SORBS2: variants seen among roughly 807,000 people sequenced by gnomAD.
SORBS2 encodes the protein sorbin and SH3 domain containing 2, also known as sorbin and SH3 domain-containing protein 2.
In SORBS2, 46 loss-of-function variants were observed where a neutral mutation model predicts 97.7. The ratio of observed to expected loss-of-function variants is 0.47; its 90% CI spans 0.37 to 0.60. The LOEUF (loss-of-function observed/expected upper bound fraction) is 0.60. Among genes scored for constraint, SORBS2 ranks in the 20% least tolerant of loss-of-function variants. The pLI is 0.00. For synonymous variants in SORBS2, 476 were observed against 473.4 expected (o/e 1.01, Z -0.07); for missense variants, 1,316 against 1,282.3 (o/e 1.03, Z -0.40).
At chr4:185,708,372 G>A (rs570261456) in intron 2 of SORBS2, among the ~76,000 whole-genome samples, 119 of 152,200 alleles carry the variant, frequency 7.8e-4, no homozygotes, top group African/African-American at 2.7e-3. Context: ...CACAACCAGC[G>A]TTTGTTTAAC....
At chr4:185,729,974 A>T in intron 2 of SORBS2, among the ~76,000 whole-genome samples, 1 of 151,246 alleles carries the variant, frequency 6.6e-6, no homozygotes, top group African/African-American at 2.4e-5. Context: ...TTTTTTTGAG[A>T]TGGAGTCTTG....
rs1319887382 is a variant in SORBS2, at chr4:185,734,088, G to A, written c.-198+41139C>T. 1.3e-5 allele frequency: 2 copies of A among 152,532 alleles called. No individual in the cohort carries two copies. The highest frequency in any genetic ancestry group is 2.9e-5 in the Non-Finnish European group (2 of 68,048). The allele number at this position is 152,532 out of a possible 1,614,324, so 9.4% of individuals were successfully genotyped here. A position where few individuals can be genotyped will look rare whatever the true frequency, so the allele number is the denominator to read the frequency against. On this transcript the variant is annotated intron_variant, in intron 2 of 20. Transcript: ENST00000284776. Reference sequence around the variant, plus strand: ...GGCAGTGGCGGGCGGTTTCCCGTGAGGACAGCGTACCTTCTGAAGAAATGC... The same window carrying A: ...GGCAGTGGCGGGCGGTTTCCCGTGAAGACAGCGTACCTTCTGAAGAAATGC...
intron 1 of SORBS2, among the ~76,000 whole-genome samples, chr4:185,857,474 G>A (rs1280743515): frequency 6.6e-6 from 1 of 152,176 alleles, no homozygotes; most frequent in East Asian, 1.9e-4. Flanking sequence ...TATGAAATCT[G>A]ATTGTAAAAC....
At chr4:185,651,583 T>C (rs982001557) in intron 2 of SORBS2, among the ~76,000 whole-genome samples, 1 of 152,220 alleles carries the variant, frequency 6.6e-6, no homozygotes, top group African/African-American at 2.4e-5. Context: ...ATGAATGAGA[T>C]AAACCAGTAT....
intron 12 of SORBS2, among the ~76,000 whole-genome samples, chr4:185,597,521 AAAAC>A (rs2096136029): frequency 6.6e-6 from 1 of 152,238 alleles, no homozygotes; most frequent in Non-Finnish European, 1.5e-5. Context: ...AAATAGGTAA[AAAAC>A]AAACAGAAAA....
intron 1 of SORBS2, among the ~76,000 whole-genome samples, chr4:185,878,411 C>T (rs2099234879): frequency 6.6e-6 from 1 of 152,164 alleles, no homozygotes; most frequent in Admixed American, 6.5e-5. Context: ...CGCACTTCAC[C>T]TCGTCCCTCC....
intron 1 of SORBS2, among the ~76,000 whole-genome samples, chr4:185,836,745 C>T (rs1434845709): frequency 6.6e-6 from 1 of 152,158 alleles, no homozygotes; most frequent in African/African-American, 2.4e-5. Context: ...ACCCAAGGAT[C>T]AAATACCTCT....
At chr4:185,719,875 C>T (rs1005230201) in intron 2 of SORBS2, among the ~76,000 whole-genome samples, 18 of 152,196 alleles carry the variant, frequency 1.2e-4, no homozygotes, top group African/African-American at 2.9e-4. Context: ...TAATTTATAA[C>T]GGAAGTTTCA....
At chr4:185,916,206 T>C (rs1372440162) in intron 1 of SORBS2, among the ~76,000 whole-genome samples, 1 of 152,170 alleles carries the variant, frequency 6.6e-6, no homozygotes, top group Non-Finnish European at 1.5e-5. Context: ...AGGAGGAATT[T>C]CAGAGTCCAG....
intron 2 of SORBS2, 100 bp from the exon 12 acceptor site, chr4:185,649,756 A>C: frequency 1.5e-6 from 1 of 685,568 alleles, no homozygotes; most frequent in Non-Finnish European, 2.2e-6. Context: ...CAATGATTGC[A>C]TAGAAATTAT....
intron 1 of SORBS2, among the ~76,000 whole-genome samples, chr4:185,860,107 A>G (rs183116405): frequency 5.9e-4 from 90 of 152,384 alleles, no homozygotes; most frequent in Admixed American, 1.2e-3. Context: ...ACTTTCCACT[A>G]CATACGAAAA....
At chr4:185,677,491 T>C (rs2097805033) in intron 4 of SORBS2, 2 of 1,551,886 alleles carry the variant, frequency 1.3e-6, no homozygotes, top group Non-Finnish European at 1.7e-6. Context: ...GAATACATAG[T>C]TCCCTGAAGA....
intron 1 of SORBS2, among the ~76,000 whole-genome samples, chr4:185,823,507 A>T (rs2099198022): frequency 1.3e-5 from 2 of 151,960 alleles, no homozygotes; most frequent in African/African-American, 4.8e-5. Flanking sequence ...GTTTATTTGT[A>T]TATTCTTTAG....
intron 1 of SORBS2, among the ~76,000 whole-genome samples, chr4:185,778,409 G>T (rs1043716908): frequency 1.3e-5 from 2 of 151,988 alleles, no homozygotes; most frequent in African/African-American, 4.8e-5. Context: ...AGTAGTCCAC[G>T]GACCAACATT....
chr4:185,670,603 A>G (rs1015862294), intron 4 of SORBS2, among the ~76,000 whole-genome samples: 1 of 151,910 alleles, frequency 6.6e-6, no homozygotes, highest in African/African-American at 2.4e-5. Flanking sequence ...AATATCTAGG[A>G]AGGGGTTTTT....
intron 1 of SORBS2, among the ~76,000 whole-genome samples, chr4:185,839,968 C>T (rs974299868): frequency 6.7e-6 from 1 of 148,362 alleles, no homozygotes; most frequent in Non-Finnish European, 1.5e-5. Context: ...TGTAGGATAT[C>T]GTCAGCCTCT....
rs139855179 is a variant in SORBS2, at chr4:185,857,768, G to A, written c.-337-82402C>T. Among the ~76,000 whole-genome samples the A allele has an allele frequency of 2.2e-4, 34 of 152,236 alleles. No individual in the cohort carries two copies. The East Asian group carries it at 4.8e-3, about 22-fold the overall frequency. On this transcript the variant is annotated intron_variant, in intron 1 of 20. Transcript: ENST00000284776. ...ACGGTTGAGATAAGGGATGAAATAC[G>A]CCCTGGTCTCCTGCAGTGCCCTCAG... is the stretch of plus-strand genomic sequence containing the variant.
chr4:185,862,223 G>A (rs1467151355), intron 1 of SORBS2, among the ~76,000 whole-genome samples: 1 of 152,228 alleles, frequency 6.6e-6, no homozygotes. Context: ...TAGGTGTTGG[G>A]CCGTGACTAC....
chr4:185,743,121 G>A (rs35423388), intron 2 of SORBS2, among the ~76,000 whole-genome samples: 21,317 of 152,112 alleles, frequency 0.14, 1,724 homozygotes, highest in South Asian at 0.21. Context: ...TTGAGGTTCC[G>A]GAGTGCTACT....
Sources: gnomAD v4.1 joint callset for allele counts (sites outside exome capture counted in the v4.1 genomes callset) on GRCh38, gnomAD v4.1.1 for gene constraint, MANE v1.5 for transcripts, NCBI Gene and HGNC (gene_info 2026-07-23, HGNC 2026-07-21) for gene names.